MAPK10: variants seen among roughly 807,000 people sequenced by gnomAD.
MAPK10 encodes the protein JNK3 alpha protein kinase.
Under a neutral mutation model 59.3 loss-of-function variants are expected in MAPK10, and 25 were observed. The ratio of observed to expected loss-of-function variants is 0.42; its 90% confidence interval spans 0.31 to 0.59. MAPK10 has a LOEUF of 0.59. MAPK10 is among the 20% of genes least tolerant of loss of function. The pLI, the probability that MAPK10 is intolerant of heterozygous loss-of-function variation, is 0.15. For missense variants in MAPK10, 351 were observed against 568.9 expected (o/e 0.62, Z 3.90); for synonymous variants, 190 against 200.5 (o/e 0.95, Z 0.44).
chr4:86,516,632 G>T lies in MAPK10; in HGVS notation c.-263+77278C>A, dbSNP rs138157829. On this transcript the variant is annotated intron_variant, in intron 1 of 4. Transcript: ENST00000502302. ...TAGGTATATTCCTAAGGGTTTTTTT[G>T]TTGTTGTTGTTTGTTTGTTTTTTGT... Among the ~76,000 whole-genome samples, 366 of 143,264 alleles carry T rather than the reference G, an allele frequency of 2.6e-3. 1 individual carries two copies. Among genetic ancestry groups the T allele is most frequent in the Non-Finnish European group, 4.0e-3 (256 of 64,188 alleles). The allele number at this position is 143,264 out of a possible 152,430, so 94.0% of individuals were successfully genotyped here.
intron 4 of MAPK10, among the ~76,000 whole-genome samples, chr4:86,131,535 A>C (rs1376213530): frequency 6.6e-6 from 1 of 152,102 alleles, no homozygotes; most frequent in Non-Finnish European, 1.5e-5. Context: ...ATTCTCCCCC[A>C]GTTTTTATCA....
intron 4 of MAPK10, among the ~76,000 whole-genome samples, chr4:86,112,396 A>C (rs1392957185): frequency 6.6e-6 from 1 of 152,150 alleles, no homozygotes; most frequent in Non-Finnish European, 1.5e-5. Context: ...TGCATCCCAG[A>C]GGTTCTGGTA....
intron 2 of MAPK10, among the ~76,000 whole-genome samples, chr4:86,353,554 G>T (rs1732784518): frequency 6.6e-6 from 1 of 152,152 alleles, no homozygotes; most frequent in South Asian, 2.1e-4. Context: ...GCACAGTATA[G>T]TGATGCTATT....
At chr4:86,185,943 T>C (rs2078125437) in intron 3 of MAPK10, among the ~76,000 whole-genome samples, 2 of 152,096 alleles carry the variant, frequency 1.3e-5, no homozygotes, top group Non-Finnish European at 2.9e-5. Flanking sequence ...AACAGACAGT[T>C]GAATATGAGT....
At chr4:86,298,705 G>A (rs953545365) in intron 2 of MAPK10, among the ~76,000 whole-genome samples, 2 of 152,210 alleles carry the variant, frequency 1.3e-5, no homozygotes, top group Non-Finnish European at 2.9e-5. Context: ...CAGACAGTCA[G>A]TGGATATTTG....
chr4:86,089,084 T>G, intron 9 of MAPK10: 1 of 689,222 alleles, frequency 1.5e-6, no homozygotes, highest in Non-Finnish European at 2.4e-6. Flanking sequence ...TATTTGACAT[T>G]GAGTCTCATA....
chr4:86,159,518 GATA>G, intron 3 of MAPK10, 51 bp from the exon 4 acceptor site: 1 of 1,463,222 alleles, frequency 6.8e-7, no homozygotes, highest in South Asian at 1.2e-5. Context: ...CAGGCAGAAT[GATA>G]ATGAGATGTA....
At position 86,231,008 on chromosome 4, in the gene MAPK10, T is replaced by C. The variant is rs77315523; in HGVS notation, c.-6-36601A>G. ...AACGAATATCTAATTTTAGGTCCAT[T>C]TGAACATTTTATCAGAAAATATGAA... On this transcript the variant is annotated intron_variant, in intron 2 of 13. Transcript: ENST00000641462. Among the ~76,000 whole-genome samples the C allele has an allele frequency of 5.5e-3, 842 of 152,302 alleles. 9 individuals carry two copies. Among genetic ancestry groups the C allele is most frequent in the African/African-American group, 0.019 (809 of 41,574 alleles).
chr4:86,427,427 C>T (rs375680283), intron 1 of MAPK10, among the ~76,000 whole-genome samples: 1 of 152,084 alleles, frequency 6.6e-6, no homozygotes, highest in Non-Finnish European at 1.5e-5. Context: ...ATAGTTTCCC[C>T]ATTGAAACCC....
intron 1 of MAPK10, among the ~76,000 whole-genome samples, chr4:86,421,907 T>TGCCACCACTGTC (rs1448084550): frequency 5.9e-5 from 9 of 152,198 alleles, no homozygotes; most frequent in African/African-American, 2.2e-4. Flanking sequence ...TCCCATCAGG[T>TGCCACCACTGTC]GCCACCACTG....
At chr4:86,563,464 T>G (rs1389657170) in intron 1 of MAPK10, among the ~76,000 whole-genome samples, 1 of 152,216 alleles carries the variant, frequency 6.6e-6, no homozygotes, top group Non-Finnish European at 1.5e-5. Context: ...ACCCAGATAA[T>G]TAAATTACCA....
At chr4:86,212,182 A>G (rs2086009896) in intron 2 of MAPK10, among the ~76,000 whole-genome samples, 1 of 152,088 alleles carries the variant, frequency 6.6e-6, no homozygotes, top group Non-Finnish European at 1.5e-5. Context: ...CCATCCAACT[A>G]TATGCTATCT....
chr4:86,143,036 C>T (rs1035165214), intron 4 of MAPK10, among the ~76,000 whole-genome samples: 7 of 152,148 alleles, frequency 4.6e-5, no homozygotes, highest in Non-Finnish European at 7.3e-5. Context: ...TTAATTGACT[C>T]GCAGTTCCAC....
intron 1 of MAPK10, among the ~76,000 whole-genome samples, chr4:86,375,647 C>A (rs556619163): frequency 7.9e-6 from 1 of 126,082 alleles, no homozygotes; most frequent in Non-Finnish European, 1.6e-5. Context: ...CCCAGGAGGT[C>A]AAGGCTGCAG....
intron 9 of MAPK10, among the ~76,000 whole-genome samples, chr4:86,098,064 G>T (rs914810445): frequency 6.6e-6 from 1 of 152,088 alleles, no homozygotes; most frequent in Non-Finnish European, 1.5e-5. Flanking sequence ...TTAGTGTCGA[G>T]TAATTTAAAT....
intron 9 of MAPK10, among the ~76,000 whole-genome samples, chr4:86,087,130 G>T (rs1251067262): frequency 6.6e-6 from 1 of 152,094 alleles, no homozygotes. Context: ...CTTTTCCCAA[G>T]AAACTATTCT....
At chr4:86,168,357 CT>C (rs1166924567) in intron 3 of MAPK10, among the ~76,000 whole-genome samples, 1 of 152,198 alleles carries the variant, frequency 6.6e-6, no homozygotes, top group African/African-American at 2.4e-5. Context: ...CACTCCCACC[CT>C]AATACTGTGC....
rs369343381 is a variant in MAPK10 at position 86,167,638 on chromosome 4, G to T, written c.67-8171C>A. ...AAACCACATGATTATCTCAATAGAT[G>T]CAGAAAAGGCCTTTGATAAAATTCA... On this transcript the variant is annotated intron_variant, in intron 3 of 13. Transcript: ENST00000641462. 4.3e-4 allele frequency among the ~76,000 whole-genome samples: 66 copies of T among 152,284 alleles called. 3 individuals are homozygous for T. The South Asian group carries it at 0.013, about 31-fold the overall frequency.
intron 2 of MAPK10, among the ~76,000 whole-genome samples, chr4:86,285,398 G>A (rs1023059336): frequency 6.6e-6 from 1 of 151,944 alleles, no homozygotes; most frequent in Non-Finnish European, 1.5e-5. Context: ...TGTATTTTTA[G>A]TAGAGACGGG....
Sources: gnomAD v4.1 joint callset for allele counts (sites outside exome capture counted in the v4.1 genomes callset) on GRCh38, gnomAD v4.1.1 for gene constraint, MANE v1.5 for transcripts, NCBI Gene and HGNC (gene_info 2026-07-23, HGNC 2026-07-21) for gene names.